FHIT: variants seen among roughly 807,000 people sequenced by gnomAD.
FHIT encodes the protein fragile histidine triad diadenosine triphosphatase, also known as bis(5'-adenosyl)-triphosphatase.
FHIT carries 19 observed loss-of-function variants against 17.9 expected under a neutral mutation model. The observed-to-expected ratio is 1.06, with a 90% CI of 0.74 to 1.56. The LOEUF (loss-of-function observed/expected upper bound fraction) is 1.56, where lower values mean the gene tolerates loss of function less well. Ranked by LOEUF, FHIT falls within the 40% of genes most tolerant of loss-of-function variation. FHIT has a pLI of 0.00. For synonymous variants in FHIT, 81 were observed against 69.7 expected, an observed-to-expected ratio of 1.16 and a Z score of -0.81; for missense variants, 248 against 189.2, an observed-to-expected ratio of 1.31 and a Z score of -1.82.
At position 60,962,824 on chromosome 3, in the gene FHIT, GT is replaced by G. The variant is rs1709528763; in HGVS notation, c.-111+79222del. Among the ~76,000 whole-genome samples the G allele has an allele frequency of 2.0e-5, 3 of 152,234 alleles. No individual in the cohort carries two copies. The South Asian group carries it at 6.2e-4, about 32-fold the overall frequency. On this transcript the variant is annotated intron_variant, in intron 3 of 9. Transcript: ENST00000492590. Reference sequence around the variant, plus strand: ...AGCTTTTTGATGTCCTGCTGGATTTGTTTTGCCAGTATTTTATTGAGGATTT... The same window carrying G: ...AGCTTTTTGATGTCCTGCTGGATTTGTTTGCCAGTATTTTATTGAGGATTT...
intron 2 of FHIT, among the ~76,000 whole-genome samples, chr3:61,146,165 A>C: frequency 6.6e-6 from 1 of 152,052 alleles, no homozygotes; most frequent in East Asian, 1.9e-4. Context: ...TGGTTAGTAA[A>C]ACCATACAGA....
At chr3:60,377,515 C>T (rs1576564704) in intron 5 of FHIT, among the ~76,000 whole-genome samples, 1 of 119,802 alleles carries the variant, frequency 8.3e-6, no homozygotes, top group South Asian at 3.1e-4. Flanking sequence ...CGCTCTGTCG[C>T]CCAGGCCGGA....
At chr3:60,742,314 T>C (rs1213085116) in intron 4 of FHIT, among the ~76,000 whole-genome samples, 1 of 152,170 alleles carries the variant, frequency 6.6e-6, no homozygotes, top group Non-Finnish European at 1.5e-5. Flanking sequence ...AAAGAGTAAA[T>C]GGGCTTCACA....
intron 5 of FHIT, among the ~76,000 whole-genome samples, chr3:60,382,517 T>C (rs1258341577): frequency 6.6e-6 from 1 of 152,194 alleles, no homozygotes; most frequent in Non-Finnish European, 1.5e-5. Flanking sequence ...TTGTATGAAT[T>C]GGTAATACAA....
At chr3:60,910,313 G>A (rs887268155) in intron 3 of FHIT, among the ~76,000 whole-genome samples, 8 of 152,164 alleles carry the variant, frequency 5.3e-5, no homozygotes, top group African/African-American at 1.7e-4. Flanking sequence ...AAGAAAAGAT[G>A]AAGACCACAT....
In FHIT at chr3:60,536,945, G is replaced by A. The variant is rs775013970; in HGVS notation, c.18C>T (p.Gly6=). ...CTACAGAGGGCTTGATGAGATGTTGGCCAAATCTGAACGACATGTCCTCAC... is the reference window on the plus strand; with the variant it reads ...CTACAGAGGGCTTGATGAGATGTTGACCAAATCTGAACGACATGTCCTCAC... MSFRF[G]QHLIKPSVVF... The change falls in exon 5 of 10, where the codon GGC becomes GGT. Residue 6 remains glycine, a synonymous_variant. Transcript: ENST00000492590. 18 of 1,611,552 alleles carry A rather than the reference G, an allele frequency of 1.1e-5. No homozygotes were observed. The highest frequency in any genetic ancestry group is 1.4e-5 in the Non-Finnish European group (17 of 1,178,856).
At chr3:61,185,164 T>G (rs2038468824) in intron 2 of FHIT, among the ~76,000 whole-genome samples, 1 of 152,174 alleles carries the variant, frequency 6.6e-6, no homozygotes, top group African/African-American at 2.4e-5. Flanking sequence ...TTTGTAGCAT[T>G]TATGGATTCA....
chr3:60,138,491 G>A (rs548886144), intron 5 of FHIT, among the ~76,000 whole-genome samples: 29 of 152,270 alleles, frequency 1.9e-4, no homozygotes, highest in African/African-American at 6.3e-4. Flanking sequence ...ACTAGCAAGT[G>A]CACAAGTTAA....
intron 8 of FHIT, among the ~76,000 whole-genome samples, chr3:59,827,152 T>C (rs936169267): frequency 1.3e-5 from 2 of 152,232 alleles, no homozygotes; most frequent in Admixed American, 1.3e-4. Context: ...CCACTAAGGC[T>C]GTGCCTGTGT....
At chr3:60,709,206 C>T (rs564704815) in intron 4 of FHIT, among the ~76,000 whole-genome samples, 1 of 152,022 alleles carries the variant, frequency 6.6e-6, no homozygotes, top group Non-Finnish European at 1.5e-5. Context: ...CAGTAATAAC[C>T]AATTACATGT....
intron 2 of FHIT, among the ~76,000 whole-genome samples, chr3:61,077,949 T>C (rs988868003): frequency 6.6e-6 from 1 of 152,088 alleles, no homozygotes; most frequent in Admixed American, 6.6e-5. Context: ...AGGAGAGCCA[T>C]AGGAGGCTGC....
chr3:60,559,547 T>G (rs1359835858), intron 4 of FHIT, among the ~76,000 whole-genome samples: 3 of 152,180 alleles, frequency 2.0e-5, no homozygotes, highest in Non-Finnish European at 4.4e-5. Flanking sequence ...CCACTCAAAT[T>G]GCTGGTGTGC....
At chr3:60,520,105 C>G (rs1030629424) in intron 5 of FHIT, among the ~76,000 whole-genome samples, 1 of 152,154 alleles carries the variant, frequency 6.6e-6, no homozygotes, top group African/African-American at 2.4e-5. Flanking sequence ...GGCACCATGT[C>G]CAGACTGTGT....
rs1360333142 is a variant in FHIT, at chr3:60,129,042, C to CTTTTTTTTT, written c.104-114891_104-114890insAAAAAAAAA. Among the ~76,000 whole-genome samples the CTTTTTTTTT allele has an allele frequency of 6.4e-4, 72 of 113,000 alleles. 1 individual carries two copies. The highest frequency in any genetic ancestry group is 2.1e-3 in the African/African-American group (63 of 29,304). 74.1% of individuals were successfully genotyped at this position (113,000 alleles called of 152,430 possible). On this transcript the variant is annotated intron_variant, in intron 5 of 9. Coordinates refer to ENST00000492590, the MANE Select transcript of FHIT (RefSeq NM_002012.4). The stretch of plus-strand genomic sequence containing the variant: ...ACTTAATTTTCCCTTTTCTTCTTTC[C>CTTTTTTTTT]TTTTTTGTTTGTTTTTTTTTTTTTT...
At position 61,124,264 on chromosome 3, in the gene FHIT, A is replaced by G. The variant is rs372167753; in HGVS notation, c.-164+76353T>C. Among the ~76,000 whole-genome samples, 5 of 152,310 alleles carry G rather than the reference A, an allele frequency of 3.3e-5. No individual in the cohort carries two copies. The East Asian group carries it at 5.8e-4, about 18-fold the overall frequency. Reference sequence around the variant, plus strand: ...TTGCCTATGCATGAGTTCAGTATTAAGAAATAGCCAAAACTCTCTGTGGTG... The same window carrying G: ...TTGCCTATGCATGAGTTCAGTATTAGGAAATAGCCAAAACTCTCTGTGGTG... On this transcript the variant is annotated intron_variant, in intron 2 of 9. Coordinates refer to ENST00000492590, the MANE Select transcript of FHIT (RefSeq NM_002012.4).
intron 4 of FHIT, among the ~76,000 whole-genome samples, chr3:60,611,827 T>C (rs1381298317): frequency 1.3e-5 from 2 of 152,166 alleles, no homozygotes; most frequent in African/African-American, 4.8e-5. Context: ...TTTAAACTTG[T>C]TCTACCCACA....
intron 5 of FHIT, among the ~76,000 whole-genome samples, chr3:60,408,118 A>G (rs373978151): frequency 9.6e-4 from 146 of 152,330 alleles, no homozygotes; most frequent in Middle Eastern, 3.4e-3. Context: ...GTCAGTTTAT[A>G]TGTGTGTAAC....
chr3:60,965,687 A>C (rs1293356375), intron 3 of FHIT, among the ~76,000 whole-genome samples: 3 of 152,038 alleles, frequency 2.0e-5, no homozygotes, highest in African/African-American at 4.8e-5. Context: ...GGTCTGTTGG[A>C]GTTTGCTGGA....
chr3:60,269,302 G>A (rs2107623834), intron 5 of FHIT, among the ~76,000 whole-genome samples: 1 of 152,328 alleles, frequency 6.6e-6, no homozygotes, highest in Admixed American at 6.5e-5. Context: ...ACCTTTGGTT[G>A]ATGTAGTTAA....
Sources: gnomAD v4.1 joint callset for allele counts (sites outside exome capture counted in the v4.1 genomes callset) on GRCh38, gnomAD v4.1.1 for gene constraint, MANE v1.5 for transcripts, NCBI Gene and HGNC (gene_info 2026-07-23, HGNC 2026-07-21) for gene names.